Variants in CDH4 observed in about 807,000 individuals in gnomAD.
The protein encoded by CDH4 is cadherin 4.
A neutral mutation model predicts 86.0 loss-of-function variants in CDH4; 33 were observed. The observed-to-expected ratio is 0.38, with a 90% CI of 0.29 to 0.51. The LOEUF (loss-of-function observed/expected upper bound fraction) is 0.51, where lower values mean the gene tolerates loss of function less well. Among genes scored for constraint, CDH4 ranks in the 20% least tolerant of loss-of-function variants. The pLI is 0.86. For synonymous variants in CDH4, 555 were observed against 549.4 expected (o/e 1.01, Z -0.14); for missense variants, 1,114 against 1,307.4 (o/e 0.85, Z 2.28).
chr20:61,799,616 C>T (rs150550833), intron 4 of CDH4, among the ~76,000 whole-genome samples: 1 of 152,296 alleles, frequency 6.6e-6, no homozygotes, highest in Non-Finnish European at 1.5e-5. Context: ...CACCAGGATA[C>T]CACACTCAGC....
At chr20:61,678,041 T>G (rs145836154) in intron 2 of CDH4, among the ~76,000 whole-genome samples, 2 of 152,238 alleles carry the variant, frequency 1.3e-5, no homozygotes, top group East Asian at 3.9e-4. Flanking sequence ...GGTAGATAGA[T>G]GGATGATGGA....
chr20:61,456,929 A>C (rs2085409943), intron 2 of CDH4, among the ~76,000 whole-genome samples: 1 of 152,238 alleles, frequency 6.6e-6, no homozygotes, highest in African/African-American at 2.4e-5. Context: ...GCTTGGATTC[A>C]CAATGGGGTA....
chr20:61,919,861 T>A (rs2054948117), intron 9 of CDH4, among the ~76,000 whole-genome samples: 1 of 143,938 alleles, frequency 6.9e-6, no homozygotes, highest in South Asian at 2.2e-4. Flanking sequence ...AAGCATGGTG[T>A]CGCGGTGATT....
At chr20:61,303,996 C>T (rs1458754001) in intron 2 of CDH4, among the ~76,000 whole-genome samples, 2 of 152,190 alleles carry the variant, frequency 1.3e-5, no homozygotes, top group Admixed American at 6.5e-5. Flanking sequence ...TTAACACGGC[C>T]GTAGGGATAG....
intron 6 of CDH4, among the ~76,000 whole-genome samples, chr20:61,855,689 G>A (rs1024183370): frequency 1.3e-5 from 2 of 152,234 alleles, no homozygotes; most frequent in African/African-American, 4.8e-5. Flanking sequence ...GGATAACAAA[G>A]AGCAAATTGC....
intron 2 of CDH4, among the ~76,000 whole-genome samples, chr20:61,469,678 A>C (rs2145567348): frequency 6.6e-6 from 1 of 152,186 alleles, no homozygotes; most frequent in Middle Eastern, 3.4e-3. Context: ...TCTTTTAATA[A>C]TTTCATGGTT....
chr20:61,660,204 G>T (rs1360643657), intron 2 of CDH4, among the ~76,000 whole-genome samples: 1 of 152,302 alleles, frequency 6.6e-6, no homozygotes, highest in Admixed American at 6.5e-5. Flanking sequence ...CCCCATGGGA[G>T]CCAGAGGCCG....
chr20:61,267,692 A>G (rs1254928352), intron 2 of CDH4, among the ~76,000 whole-genome samples: 1 of 152,202 alleles, frequency 6.6e-6, no homozygotes, highest in Non-Finnish European at 1.5e-5. Flanking sequence ...GTTAATCTAA[A>G]GGTCTGCGTT....
intron 2 of CDH4, among the ~76,000 whole-genome samples, chr20:61,572,381 G>C (rs1423203676): frequency 3.9e-5 from 6 of 152,220 alleles, no homozygotes; most frequent in Admixed American, 3.9e-4. Context: ...AGCTGGAGTG[G>C]GAGACGCAAG....
intron 13 of CDH4, among the ~76,000 whole-genome samples, chr20:61,930,965 C>T (rs1318991474): frequency 6.6e-6 from 1 of 151,436 alleles, no homozygotes; most frequent in African/African-American, 2.5e-5. Context: ...GAGACCTGGG[C>T]CACTCTCGAG....
chr20:61,458,282 GTGGTGA>G (rs1251574354), intron 2 of CDH4, among the ~76,000 whole-genome samples: 4 of 151,950 alleles, frequency 2.6e-5, no homozygotes, highest in Non-Finnish European at 5.9e-5. Context: ...GCTGGTGGTG[GTGGTGA>G]TGGTGATGGT....
intron 2 of CDH4, among the ~76,000 whole-genome samples, chr20:61,733,324 C>T (rs2088219118): frequency 6.6e-6 from 1 of 152,136 alleles, no homozygotes; most frequent in Non-Finnish European, 1.5e-5. Flanking sequence ...ATCCCAGCTT[C>T]TCCCATCACC....
Position 61,833,831 on chromosome 20 carries a change from A to T in CDH4, c.577-10837A>T, listed in dbSNP as rs946355718. On this transcript the variant is annotated intron_variant, in intron 4 of 15. Coordinates refer to ENST00000614565, the MANE Select transcript of CDH4 (RefSeq NM_001794.5). The stretch of plus-strand genomic sequence containing the variant: ...GGCAACAGCTCTGCAGGCTGGATTT[A>T]AAAAATCCCATTTCCAGATGAGGAG... Among the ~76,000 whole-genome samples, 12 of 152,192 alleles carry T rather than the reference A, an allele frequency of 7.9e-5. No individual in the cohort carries two copies. The South Asian group carries it at 1.5e-3, about 18-fold the overall frequency.
At chr20:61,461,975 T>G (rs574493872) in intron 2 of CDH4, among the ~76,000 whole-genome samples, 1 of 152,306 alleles carries the variant, frequency 6.6e-6, no homozygotes, top group Non-Finnish European at 1.5e-5. Context: ...AGTCCCACTT[T>G]TAGTCCTCCC....
chr20:61,613,364 G>A (rs1279880826), intron 2 of CDH4, among the ~76,000 whole-genome samples: 2 of 152,060 alleles, frequency 1.3e-5, no homozygotes, highest in African/African-American at 4.8e-5. Context: ...AGAAGTTCTT[G>A]CCAGATCTGG....
chr20:61,924,049 G>A lies in CDH4; in HGVS notation c.1629-285G>A, dbSNP rs540695853. 2.0e-5 allele frequency among the ~76,000 whole-genome samples: 3 copies of A among 152,348 alleles called. No homozygotes were observed. The East Asian group carries it at 5.8e-4, about 29-fold the overall frequency. ...TCCTTGTCCGTTCGATGGGGACAAT[G>A]AGGGCGTCTGCCCACAGGGTCCTTG... On this transcript the variant is annotated intron_variant, in intron 10 of 15. Transcript: ENST00000614565.
intron 4 of CDH4, among the ~76,000 whole-genome samples, chr20:61,778,671 G>A (rs1978375386): frequency 6.6e-6 from 1 of 152,082 alleles, no homozygotes; most frequent in Non-Finnish European, 1.5e-5. Context: ...ACACCGCGGA[G>A]GGAACACTCA....
chr20:61,723,282 G>A (rs560317811), intron 2 of CDH4, among the ~76,000 whole-genome samples: 12 of 152,288 alleles, frequency 7.9e-5, no homozygotes, highest in Admixed American at 2.6e-4. Context: ...AGCCTCACTG[G>A]GTGAGGAGCC....
intron 13 of CDH4, among the ~76,000 whole-genome samples, chr20:61,932,497 CA>C (rs1214423262): frequency 4.6e-5 from 7 of 152,138 alleles, no homozygotes; most frequent in African/African-American, 9.7e-5. Context: ...CATACACAGA[CA>C]CACGAAGTAC....
Sources: allele counts gnomAD v4.1 joint callset (sites outside exome capture counted in the v4.1 genomes callset), GRCh38; gene constraint gnomAD v4.1.1; transcripts MANE v1.5; gene names NCBI Gene and HGNC (gene_info 2026-07-23, HGNC 2026-07-21).